Variants in RBFOX1 observed in about 807,000 individuals in gnomAD.
RBFOX1 encodes RNA binding protein fox-1 homolog 1.
A neutral mutation model predicts 57.7 loss-of-function variants in RBFOX1; 8 were observed. The observed-to-expected ratio is 0.14, with a 90% confidence interval of 0.08 to 0.25. RBFOX1 has a LOEUF of 0.25. RBFOX1 is among the 10% of genes least tolerant of loss of function. RBFOX1 has a pLI of 1.00. For missense variants in RBFOX1, 611 were observed against 548.5 expected, an observed-to-expected ratio of 1.11 and a Z score of -1.14; for synonymous variants, 326 against 222.4, an observed-to-expected ratio of 1.47 and a Z score of -4.15.
intron 4 of RBFOX1, among the ~76,000 whole-genome samples, chr16:7,438,012 C>T (rs1282237856): frequency 6.6e-6 from 1 of 151,818 alleles, no homozygotes; most frequent in Non-Finnish European, 1.5e-5. Flanking sequence ...TGGAATAATC[C>T]CTGCATGTCA....
At chr16:7,636,775 T>A (rs1266547731) in intron 11 of RBFOX1, among the ~76,000 whole-genome samples, 1 of 152,164 alleles carries the variant, frequency 6.6e-6, no homozygotes, top group African/African-American at 2.4e-5. Context: ...CGGTGAGGGC[T>A]TTCTTCTTGG....
chr16:7,646,199 T>C (rs935006399), intron 11 of RBFOX1, among the ~76,000 whole-genome samples: 2 of 152,238 alleles, frequency 1.3e-5, no homozygotes, highest in Non-Finnish European at 2.9e-5. Context: ...ATCAGGTTTT[T>C]TGATTCTTCA....
At chr16:5,566,878 A>T (rs1567237748) in intron 2 of RBFOX1, among the ~76,000 whole-genome samples, 1 of 152,160 alleles carries the variant, frequency 6.6e-6, no homozygotes, top group Non-Finnish European at 1.5e-5. Flanking sequence ...TAATAAATTA[A>T]CAGTGACTGG....
chr16:7,295,368 G>A (rs1322936753), intron 4 of RBFOX1, among the ~76,000 whole-genome samples: 1 of 152,082 alleles, frequency 6.6e-6, no homozygotes, highest in Non-Finnish European at 1.5e-5. Context: ...TGCAAAGAAG[G>A]AGGAATGATG....
chr16:5,472,911 A>T (rs1289136031), intron 2 of RBFOX1, among the ~76,000 whole-genome samples: 1 of 152,134 alleles, frequency 6.6e-6, no homozygotes, highest in Non-Finnish European at 1.5e-5. Flanking sequence ...TCCAGCAGAA[A>T]CACATGGAAT....
intron 10 of RBFOX1, among the ~76,000 whole-genome samples, chr16:7,626,174 G>T (rs1333723841): frequency 6.6e-6 from 1 of 152,228 alleles, no homozygotes; most frequent in East Asian, 1.9e-4. Context: ...CTGCTGTTCC[G>T]GTTTGAGTCC....
intron 4 of RBFOX1, among the ~76,000 whole-genome samples, chr16:7,100,062 G>A (rs977807751): frequency 2.6e-5 from 4 of 151,430 alleles, no homozygotes; most frequent in African/African-American, 9.7e-5. Flanking sequence ...ATGATGGGGG[G>A]TGAGGGTGGT....
intron 3 of RBFOX1, among the ~76,000 whole-genome samples, chr16:6,940,771 TGTGTGTG>T (rs2078254787): frequency 2.9e-5 from 2 of 68,846 alleles, no homozygotes; most frequent in East Asian, 1.2e-3. Flanking sequence ...CTAGTGTGTG[TGTGTGTG>T]TGTGTGTGTG....
chr16:5,557,074 A>G (rs1470221945), intron 2 of RBFOX1, among the ~76,000 whole-genome samples: 1 of 152,008 alleles, frequency 6.6e-6, no homozygotes, highest in Non-Finnish European at 1.5e-5. Context: ...CCTAGTTAAC[A>G]CAGTGAAACC....
At chr16:5,773,181 C>G (rs2054035762) in intron 3 of RBFOX1, among the ~76,000 whole-genome samples, 2 of 152,110 alleles carry the variant, frequency 1.3e-5, no homozygotes, top group Admixed American at 1.3e-4. Context: ...AGGTAGACTT[C>G]AGGGGATAAG....
chr16:6,030,003 T>G (rs954493321), intron 1 of RBFOX1, among the ~76,000 whole-genome samples: 2 of 152,208 alleles, frequency 1.3e-5, no homozygotes, highest in Admixed American at 6.5e-5. Flanking sequence ...AACCTCTGCC[T>G]CCTGGACTCA....
rs568815360 is a variant in RBFOX1, at chr16:5,642,619, TC to T, written c.318+43662del. ...TTGAATGTGCCTAGCCGCCCCCCCT[TC>T]CCCAGCCACCCAGCCTCATGTCCTC... On this transcript the variant is annotated intron_variant, in intron 3 of 19. Coordinates refer to the RBFOX1 transcript ENST00000641259. 4.3e-3 allele frequency among the ~76,000 whole-genome samples: 657 copies of T among 152,088 alleles called. 3 individuals are homozygous for T. Among genetic ancestry groups the T allele is most frequent in the African/African-American group, 0.015 (641 of 41,494 alleles).
At chr16:5,826,639 A>T (rs1242590017) in intron 3 of RBFOX1, among the ~76,000 whole-genome samples, 8 of 152,228 alleles carry the variant, frequency 5.3e-5, no homozygotes, top group Admixed American at 1.3e-4. Context: ...GCTAACCTCT[A>T]CTTTATGCTC....
intron 4 of RBFOX1, among the ~76,000 whole-genome samples, chr16:7,272,468 G>A (rs528782848): frequency 2.0e-5 from 3 of 152,334 alleles, no homozygotes; most frequent in Admixed American, 6.5e-5. Flanking sequence ...ACAGGCATCA[G>A]CCACCATGCC....
chr16:6,811,168 G>A (rs184835689), intron 3 of RBFOX1, among the ~76,000 whole-genome samples: 3 of 152,292 alleles, frequency 2.0e-5, no homozygotes, highest in Admixed American at 2.0e-4. Flanking sequence ...GAAGAATTAA[G>A]TGATATGAGA....
chr16:5,964,428 A>C (rs998217372), intron 4 of RBFOX1, among the ~76,000 whole-genome samples: 1 of 152,220 alleles, frequency 6.6e-6, no homozygotes, highest in African/African-American at 2.4e-5. Flanking sequence ...AGAGGACTGC[A>C]CTTCCATGTT....
At chr16:7,574,264 T>C (rs571609999) in intron 5 of RBFOX1, among the ~76,000 whole-genome samples, 1 of 152,176 alleles carries the variant, frequency 6.6e-6, no homozygotes, top group Non-Finnish European at 1.5e-5. Context: ...GACTTAAGTG[T>C]TCTCTTTGGA....
At chr16:5,357,374 G>T (rs1596642298) in intron 1 of RBFOX1, among the ~76,000 whole-genome samples, 1 of 152,154 alleles carries the variant, frequency 6.6e-6, no homozygotes, top group Non-Finnish European at 1.5e-5. Flanking sequence ...CTTGCTCTGG[G>T]GTGTAAATGC....
At chr16:6,856,501 A>G (rs2057929329) in intron 3 of RBFOX1, among the ~76,000 whole-genome samples, 1 of 152,144 alleles carries the variant, frequency 6.6e-6, no homozygotes, top group Non-Finnish European at 1.5e-5. Flanking sequence ...ATTGCCCTCT[A>G]GAAATATCAA....
Sources: allele counts gnomAD v4.1 joint callset (sites outside exome capture counted in the v4.1 genomes callset), GRCh38; gene constraint gnomAD v4.1.1; transcripts MANE v1.5; gene names NCBI Gene and HGNC (gene_info 2026-07-23, HGNC 2026-07-21).